The following EEA1 variants were observed in gnomAD, a reference collection of about 807,000 sequenced individuals.
EEA1 encodes the protein early endosome antigen 1.
A neutral mutation model predicts 209.2 loss-of-function variants in EEA1; 111 were observed. That is an observed-to-expected ratio of 0.53 (90% CI 0.45 to 0.62). The LOEUF (loss-of-function observed/expected upper bound fraction) is 0.62. EEA1 is among the 20% of genes least tolerant of loss of function. The pLI, the probability that EEA1 is intolerant of heterozygous loss-of-function variation, is 0.00. For missense variants in EEA1, 1,343 were observed against 1,530.8 expected (o/e 0.88, Z 2.05); for synonymous variants, 536 against 540.6 (o/e 0.99, Z 0.12).
intron 17 of EEA1, among the ~76,000 whole-genome samples, chr12:92,810,235 GTAGC>G (rs1485816624): frequency 2.0e-5 from 3 of 152,048 alleles, no homozygotes; most frequent in Non-Finnish European, 4.4e-5. Flanking sequence ...GATATTTGAT[GTAGC>G]TAAATTAATT....
intron 1 of EEA1, among the ~76,000 whole-genome samples, chr12:92,917,683 C>G (rs1460015224): frequency 1.3e-5 from 2 of 148,314 alleles, no homozygotes; most frequent in Non-Finnish European, 3.0e-5. Context: ...GAAACTGCAT[C>G]AACTAACGAG....
At chr12:92,914,148 G>A (rs1293689982) in intron 1 of EEA1, among the ~76,000 whole-genome samples, 3 of 151,736 alleles carry the variant, frequency 2.0e-5, no homozygotes, top group Admixed American at 2.0e-4. Flanking sequence ...ACACCCTCAG[G>A]TCTCCCCTTA....
At chr12:92,806,807 GT>G (rs1485690888) in intron 18 of EEA1, among the ~76,000 whole-genome samples, 11 of 152,132 alleles carry the variant, frequency 7.2e-5, no homozygotes, top group Non-Finnish European at 1.0e-4. Context: ...AGCAAGGTTG[GT>G]TTAACAGTAA....
intron 1 of EEA1, among the ~76,000 whole-genome samples, chr12:92,896,374 A>T (rs1003925576): frequency 4.6e-5 from 7 of 152,318 alleles, no homozygotes; most frequent in Middle Eastern, 3.4e-3. Flanking sequence ...ACTGGAGAAG[A>T]TGCTGTGAAC....
At chr12:92,925,039 T>C (rs965457706) in intron 1 of EEA1, among the ~76,000 whole-genome samples, 6 of 152,004 alleles carry the variant, frequency 3.9e-5, no homozygotes, top group Non-Finnish European at 7.4e-5. Context: ...TTGTCCTTCC[T>C]AGAACTCATT....
intron 14 of EEA1, among the ~76,000 whole-genome samples, chr12:92,816,882 T>G (rs889125161): frequency 1.9e-4 from 29 of 151,458 alleles, no homozygotes; most frequent in African/African-American, 6.4e-4. Flanking sequence ...TGCAAATGTT[T>G]TCTCCCATTC....
chr12:92,808,518 T>C (rs1875325723), intron 18 of EEA1, among the ~76,000 whole-genome samples: 1 of 151,866 alleles, frequency 6.6e-6, no homozygotes, highest in African/African-American at 2.4e-5. Flanking sequence ...AGTATCACTT[T>C]GTCGCCCAGG....
At chr12:92,914,915 C>T (rs1270114608) in intron 1 of EEA1, among the ~76,000 whole-genome samples, 5 of 151,924 alleles carry the variant, frequency 3.3e-5, no homozygotes, top group Non-Finnish European at 5.9e-5. Flanking sequence ...CCACCTGCCT[C>T]GGCTTCCCAA....
chr12:92,857,481 C>G lies in EEA1; in HGVS notation c.250G>C (p.Asp84His), dbSNP rs1434087162. The G allele has an allele frequency of 6.4e-7, 1 of 1,570,034 alleles. No homozygotes were observed. Among genetic ancestry groups the G allele is most frequent in the Non-Finnish European group, 8.6e-7 (1 of 1,161,912 alleles). ...GESNLALKRD[D>H]VTLLRQEVQD... The stretch of plus-strand genomic sequence containing the variant: ...ACCTCTTGTCTGAGCAGTGTTACAT[C>G]ATCTCTAAATAAAAATGGGAGGAAG... Residue 84 changes from aspartate (D) to histidine (H), a missense_variant, in exon 4 of 29, where the codon GAT becomes CAT. Transcript: ENST00000322349.
intron 22 of EEA1, among the ~76,000 whole-genome samples, chr12:92,783,017 T>A (rs1873972883): frequency 1.3e-5 from 2 of 152,346 alleles, no homozygotes; most frequent in Middle Eastern, 3.4e-3. Flanking sequence ...TCTCTTCATC[T>A]GTATTCTCTG....
chr12:92,777,014 G>T, intron 27 of EEA1, 72 bp from the exon 28 acceptor site: 2 of 1,496,918 alleles, frequency 1.3e-6, no homozygotes, highest in Non-Finnish European at 1.8e-6. Context: ...TTTCTAACTT[G>T]CTGCCAGAGT....
intron 12 of EEA1, among the ~76,000 whole-genome samples, chr12:92,826,972 T>C (rs963706584): frequency 1.3e-5 from 2 of 152,166 alleles, no homozygotes; most frequent in Non-Finnish European, 2.9e-5. Context: ...TTATCACTTA[T>C]TGGAAAAGAA....
chr12:92,912,504 T>C lies in EEA1; in HGVS notation c.24+16539A>G, dbSNP rs182596993. 1.3e-4 allele frequency among the ~76,000 whole-genome samples: 20 copies of C among 152,316 alleles called. No individual in the cohort carries two copies. In the East Asian group the frequency reaches 3.9e-3, roughly 29 times the overall value. On this transcript the variant is annotated intron_variant, in intron 1 of 28. Coordinates refer to ENST00000322349, the MANE Select transcript of EEA1 (RefSeq NM_003566.4). ...CTAGCCTTAGACACATGTGGCCCAA[T>C]GGATAAAACCAGCAATATGACTGAA...
intron 8 of EEA1, 22 bp downstream of exon 8, chr12:92,852,153 C>T: frequency 6.4e-7 from 1 of 1,559,432 alleles, no homozygotes; most frequent in East Asian, 2.3e-5. Flanking sequence ...GAGTACATCT[C>T]AATAAATAAT....
Position 92,802,741 on chromosome 12 carries a change from A to G in EEA1, c.2340-7T>C. 6.5e-7 allele frequency: 1 copy of G among 1,528,706 alleles called. No homozygotes were observed. The highest frequency in any genetic ancestry group is 8.7e-7 in the Non-Finnish European group (1 of 1,145,722). The allele number at this position is 1,528,706 out of a possible 1,614,324, so 94.7% of individuals were successfully genotyped here. A position where few individuals can be genotyped will look rare whatever the true frequency, so the allele number is the denominator to read the frequency against. On this transcript the variant is annotated splice_region_variant and splice_polypyrimidine_tract_variant and intron_variant, in intron 18 of 28. Coordinates refer to ENST00000322349, the MANE Select transcript of EEA1 (RefSeq NM_003566.4). ...CAATCTTGTACTGGATACTCTAAAT[A>G]TTTAAAAAACAATCTTTTTAAATAA...
At chr12:92,829,438 C>T (rs185546964) in intron 11 of EEA1, among the ~76,000 whole-genome samples, 17 of 152,188 alleles carry the variant, frequency 1.1e-4, no homozygotes, top group Non-Finnish European at 2.1e-4. Context: ...ACTATGAATG[C>T]TTATATTTAT....
At chr12:92,818,241 C>T (rs896896145) in intron 14 of EEA1, among the ~76,000 whole-genome samples, 4 of 152,114 alleles carry the variant, frequency 2.6e-5, no homozygotes, top group African/African-American at 9.7e-5. Flanking sequence ...ATAAGACCAC[C>T]AGGCTTTCCT....
At chr12:92,871,007 C>A (rs780514817) in intron 2 of EEA1, among the ~76,000 whole-genome samples, 11 of 152,092 alleles carry the variant, frequency 7.2e-5, no homozygotes, top group Non-Finnish European at 1.5e-4. Flanking sequence ...CAGTGCCCAG[C>A]CTCAAAGTCC....
At position 92,859,695 on chromosome 12, in the gene EEA1, C is replaced by T. The variant is rs761368402; in HGVS notation, c.246-2210G>A. Among the ~76,000 whole-genome samples, 25 of 152,204 alleles carry T rather than the reference C, an allele frequency of 1.6e-4. 1 individual carries two copies. Among genetic ancestry groups the T allele is most frequent in the South Asian group, 1.0e-3 (5 of 4,830 alleles). ...AATTGAACATTTGTGCCCTACCCAA[C>T]GCTCCAAAGTCCTAATTGCGTTGAC... On this transcript the variant is annotated intron_variant, in intron 3 of 28. Transcript: ENST00000322349.
Sources: allele counts gnomAD v4.1 joint callset (sites outside exome capture counted in the v4.1 genomes callset), GRCh38; gene constraint gnomAD v4.1.1; transcripts MANE v1.5; gene names NCBI Gene and HGNC (gene_info 2026-07-23, HGNC 2026-07-21).